ZHX1: variants seen among roughly 807,000 people sequenced by gnomAD.
The protein encoded by ZHX1 is zinc fingers and homeoboxes protein 1.
Under a neutral mutation model 61.8 loss-of-function variants are expected in ZHX1, and 20 were observed. That is an observed-to-expected ratio of 0.32 (90% CI 0.23 to 0.47). ZHX1 has a LOEUF of 0.47. Ranked by LOEUF, ZHX1 falls within the 20% of genes least tolerant of loss-of-function variation. The probability of loss-of-function intolerance (pLI) is 1.00; values close to 1 mark genes in which losing one functional copy is unlikely to be tolerated. For synonymous variants in ZHX1, 318 were observed against 352.6 expected, an observed-to-expected ratio of 0.90 and a Z score of 1.10; for missense variants, 800 against 1,034.8, an observed-to-expected ratio of 0.77 and a Z score of 3.11.
At chr8:123,269,060 T>G (rs1436739348) in intron 1 of ZHX1, among the ~76,000 whole-genome samples, 1 of 152,178 alleles carries the variant, frequency 6.6e-6, no homozygotes, top group Non-Finnish European at 1.5e-5. Context: ...CATCTTATTA[T>G]CTCTGTAGCC....
At chr8:123,275,502 C>G (rs1191743051), upstream of ZHX1, 1 of 152,196 alleles carries the variant, frequency 6.6e-6, no homozygotes, top group Non-Finnish European at 1.5e-5. Flanking sequence ...CACATTAATC[C>G]TAAAAGATGC....
chr8:123,271,289 CTT>C (rs1462274314), intron 1 of ZHX1, among the ~76,000 whole-genome samples: 1 of 152,086 alleles, frequency 6.6e-6, no homozygotes, highest in Non-Finnish European at 1.5e-5. Flanking sequence ...AAAATTTAGT[CTT>C]AACAGTAAAT....
At chr8:123,260,894 C>T (rs558078906) in intron 2 of ZHX1, among the ~76,000 whole-genome samples, 19 of 151,686 alleles carry the variant, frequency 1.3e-4, no homozygotes, top group Non-Finnish European at 1.9e-4. Flanking sequence ...TGGTGGTGGG[C>T]GCCTGTAATC....
intron 1 of ZHX1, among the ~76,000 whole-genome samples, chr8:123,271,947 T>C (rs1826668540): frequency 6.6e-6 from 1 of 152,270 alleles, no homozygotes; most frequent in East Asian, 1.9e-4. Context: ...GGATTTAGCA[T>C]ATTTTCAAAC....
intron 1 of ZHX1, among the ~76,000 whole-genome samples, chr8:123,272,786 T>TC: frequency 6.6e-6 from 1 of 152,268 alleles, no homozygotes; most frequent in Non-Finnish European, 1.5e-5. Flanking sequence ...TCACTGTTCC[T>TC]GGGGGGAGAC....
At chr8:123,258,436 T>C (rs751511488) in intron 2 of ZHX1, among the ~76,000 whole-genome samples, 2 of 152,220 alleles carry the variant, frequency 1.3e-5, no homozygotes, top group South Asian at 2.1e-4. Flanking sequence ...TATTCCTTTA[T>C]AGGAACACAA....
chr8:123,264,054 C>T (rs1273307000), intron 2 of ZHX1, among the ~76,000 whole-genome samples: 1 of 152,086 alleles, frequency 6.6e-6, no homozygotes, highest in Non-Finnish European at 1.5e-5. Flanking sequence ...AATGAACATT[C>T]AATAAACATT....
At chr8:123,265,126 T>C (rs1164587272) in intron 2 of ZHX1, among the ~76,000 whole-genome samples, 1 of 150,582 alleles carries the variant, frequency 6.6e-6, no homozygotes, top group Non-Finnish European at 1.5e-5. Context: ...GAGAAGAAGG[T>C]TGCAGTAAGC....
chr8:123,269,043 A>G (rs1826557059), intron 1 of ZHX1, among the ~76,000 whole-genome samples: 3 of 152,184 alleles, frequency 2.0e-5, no homozygotes, highest in Admixed American at 2.0e-4. Flanking sequence ...TGGTAGGCCC[A>G]GTGGAGCATC....
chr8:123,273,412 A>C (rs1230110886), intron 1 of ZHX1, among the ~76,000 whole-genome samples: 1 of 152,138 alleles, frequency 6.6e-6, no homozygotes, highest in Non-Finnish European at 1.5e-5. Flanking sequence ...GTGGGCCCTA[A>C]GGCTTGGAGG....
chr8:123,263,326 CA>C (rs1016568801), intron 2 of ZHX1, among the ~76,000 whole-genome samples: 14 of 152,000 alleles, frequency 9.2e-5, no homozygotes, highest in African/African-American at 3.4e-4. Context: ...CTGAACTCAT[CA>C]AAACAATTAC....
intron 1 of ZHX1, among the ~76,000 whole-genome samples, chr8:123,272,889 TTAAGTTA>T (rs1199643674): frequency 6.6e-6 from 1 of 152,228 alleles, no homozygotes. Flanking sequence ...AGAGAACTGC[TTAAGTTA>T]CATGGAATCC....
chr8:123,255,048 A>G lies in ZHX1; in HGVS notation c.899T>C (p.Leu300Pro). ...GTAAGGGAACTTGTTGTAGGTGTTA[A>G]GTAAAAGGGGATTGTTATCCAATGC... Reference protein sequence around the residue: ...NAALDNNPLLLNTYNKFPYPT... With the variant: ...NAALDNNPLLPNTYNKFPYPT... Residue 300 changes from leucine to proline, a missense_variant, in exon 3 of 4, where the codon CTT becomes CCT. Physicochemically the swap from Leu to Pro is moderately conservative, Grantham distance 98. Coordinates refer to ENST00000395571, the MANE Select transcript of ZHX1 (RefSeq NM_007222.5). The G allele has an allele frequency of 6.2e-7, 1 of 1,614,172 alleles. No individual in the cohort carries two copies. The highest frequency in any genetic ancestry group is 8.5e-7 in the Non-Finnish European group (1 of 1,180,028).
upstream of ZHX1, among the ~76,000 whole-genome samples, chr8:123,275,003 G>A (rs1826800043): frequency 6.6e-6 from 1 of 152,046 alleles, no homozygotes; most frequent in African/African-American, 2.4e-5. Flanking sequence ...TCCTCGCTTC[G>A]GACCCCGCTC....
At chr8:123,267,967 C>G (rs1010322170) in intron 1 of ZHX1, among the ~76,000 whole-genome samples, 9 of 152,088 alleles carry the variant, frequency 5.9e-5, no homozygotes, top group African/African-American at 2.2e-4. Flanking sequence ...CGCCATTGCA[C>G]CCCAGTCTGG....
At chr8:123,274,151 T>G (rs1826760980) in intron 1 of ZHX1, 66 bp downstream of exon 1, 2 of 152,778 alleles carry the variant, frequency 1.3e-5, no homozygotes, top group South Asian at 4.1e-4. Context: ...GACTCTGCGC[T>G]CCAGTTCCCA....
At chr8:123,262,047 G>A (rs1330734772) in intron 2 of ZHX1, among the ~76,000 whole-genome samples, 1 of 152,068 alleles carries the variant, frequency 6.6e-6, no homozygotes, top group Non-Finnish European at 1.5e-5. Context: ...TCAATTTGGG[G>A]AAGCTTGCAC....
At position 123,254,081 on chromosome 8, in the gene ZHX1, T is replaced by A; in HGVS notation, c.1866A>T (p.Ser622=). The A allele has an allele frequency of 6.2e-7, 1 of 1,614,114 alleles. No homozygotes were observed. The highest frequency in any genetic ancestry group is 2.2e-5 in the East Asian group (1 of 44,888). Reference sequence around the variant, plus strand: ...CCATTTTCTCTTCCTTTAAAGCTTTTGATTTCTTCTTCTCTGTAAACCAAG... The same window carrying A: ...CCATTTTCTCTTCCTTTAAAGCTTTAGATTTCTTCTTCTCTGTAAACCAAG... ...IDAWFTEKKK[S]KALKEEKMEI... is the part of the protein sequence containing the mutation. The change falls in exon 3 of 4, where the codon TCA becomes TCT. Residue 622 remains serine, a synonymous_variant. Transcript: ENST00000395571. The surrounding 1 kb of genome is among the most constrained non-coding windows in gnomAD (Gnocchi z 4.1).
chr8:123,254,698 C>A lies in ZHX1; in HGVS notation c.1249G>T (p.Val417Leu). The change falls in exon 3 of 4, where the codon GTG (valine) becomes TTG (leucine). Residue 417 changes from valine (V) to leucine (L), a missense_variant. Val to Leu is a conservative substitution (Grantham distance 32). Transcript: ENST00000395571. The surrounding 1 kb of genome is among the most constrained non-coding windows in gnomAD (Gnocchi z 4.1). Reference sequence around the variant, plus strand: ...TTATTTTGACTTGGAACGCCTGCCACTGTCAAGGCTATAGGTGCTGTAACT... The same window carrying A: ...TTATTTTGACTTGGAACGCCTGCCAATGTCAAGGCTATAGGTGCTGTAACT... The part of the protein sequence containing the change: ...LPVTAPIALT[V>L]AGVPSQNNIQ... The A allele has an allele frequency of 6.2e-7, 1 of 1,614,180 alleles. No individual in the cohort carries two copies. The highest frequency in any genetic ancestry group is 8.5e-7 in the Non-Finnish European group (1 of 1,180,026).
Sources: allele counts gnomAD v4.1 joint callset (sites outside exome capture counted in the v4.1 genomes callset), GRCh38; gene constraint gnomAD v4.1.1; non-coding constraint Gnocchi (gnomAD v3.1); transcripts MANE v1.5; gene names NCBI Gene and HGNC (gene_info 2026-07-23, HGNC 2026-07-21).